The following PTPRD variants were observed in gnomAD, a reference collection of about 807,000 sequenced individuals.
PTPRD encodes the protein receptor-type tyrosine-protein phosphatase delta.
In PTPRD, 34 loss-of-function variants were observed where a neutral mutation model predicts 214.5. That is an observed-to-expected ratio of 0.16 (90% confidence interval 0.12 to 0.21). PTPRD has a LOEUF of 0.21. Among genes scored for constraint, PTPRD ranks in the 10% least tolerant of loss-of-function variants. PTPRD has a pLI of 1.00. For synonymous variants in PTPRD, 1,128 were observed against 845.7 expected, an observed-to-expected ratio of 1.33 and a Z score of -5.79; for missense variants, 2,545 against 2,398.7, an observed-to-expected ratio of 1.06 and a Z score of -1.27.
At chr9:9,750,380 G>A (rs949155382) in intron 6 of PTPRD, among the ~76,000 whole-genome samples, 4 of 152,074 alleles carry the variant, frequency 2.6e-5, no homozygotes, top group Non-Finnish European at 5.9e-5. Context: ...CACCATTACA[G>A]AGAAATTATA....
At chr9:9,815,724 G>A (rs2048539007) in intron 5 of PTPRD, among the ~76,000 whole-genome samples, 1 of 152,062 alleles carries the variant, frequency 6.6e-6, no homozygotes, top group Non-Finnish European at 1.5e-5. Context: ...AGAGTAGAAT[G>A]GTTGATTTTA....
At chr9:10,481,935 G>C (rs1589150381) in intron 2 of PTPRD, among the ~76,000 whole-genome samples, 1 of 151,906 alleles carries the variant, frequency 6.6e-6, no homozygotes. Flanking sequence ...TTTTTAAAAG[G>C]AGACAAAATT....
At chr9:8,471,561 T>C (rs577770731) in intron 30 of PTPRD, among the ~76,000 whole-genome samples, 1 of 152,292 alleles carries the variant, frequency 6.6e-6, no homozygotes, top group South Asian at 2.1e-4. Flanking sequence ...GCTTTTTATT[T>C]GAATTAAAAA....
At chr9:9,867,265 A>G (rs1565881544) in intron 5 of PTPRD, among the ~76,000 whole-genome samples, 1 of 152,144 alleles carries the variant, frequency 6.6e-6, no homozygotes, top group African/African-American at 2.4e-5. Context: ...GATACGATTC[A>G]TTCTGCTTTT....
chr9:8,964,442 C>A (rs1346479626), intron 11 of PTPRD, among the ~76,000 whole-genome samples: 1 of 147,498 alleles, frequency 6.8e-6, no homozygotes, highest in Non-Finnish European at 1.5e-5. Context: ...TTTAGATCTT[C>A]TCTTTTTGTC....
At chr9:10,276,745 A>G (rs1036799416) in intron 3 of PTPRD, among the ~76,000 whole-genome samples, 2 of 152,238 alleles carry the variant, frequency 1.3e-5, no homozygotes, top group African/African-American at 4.8e-5. Flanking sequence ...TCAGAACAGA[A>G]GGCCAGGTAG....
intron 2 of PTPRD, among the ~76,000 whole-genome samples, chr9:10,457,230 C>G (rs528057112): frequency 2.6e-5 from 4 of 151,980 alleles, no homozygotes; most frequent in Non-Finnish European, 5.9e-5. Flanking sequence ...TTCAATTAAA[C>G]AATTTATTTT....
intron 44 of PTPRD, among the ~76,000 whole-genome samples, chr9:8,330,804 T>G (rs1443896140): frequency 6.6e-6 from 1 of 151,442 alleles, no homozygotes; most frequent in Non-Finnish European, 1.5e-5. Context: ...TAGTTTTCTT[T>G]GATGTGCTGA....
intron 9 of PTPRD, among the ~76,000 whole-genome samples, chr9:9,201,488 T>C (rs992617209): frequency 6.6e-6 from 1 of 152,126 alleles, no homozygotes; most frequent in African/African-American, 2.4e-5. Context: ...AACTAGTATG[T>C]CTTTAATAAG....
Position 9,647,587 on chromosome 9 carries a change from C to T in PTPRD, c.-286-72806G>A, listed in dbSNP as rs191900517. ...CCTACAGTATACTATGAATGTGGGC[C>T]AAAAATCAAATTTTGTTTATGGTCA... is the stretch of plus-strand genomic sequence containing the variant. On this transcript the variant is annotated intron_variant, in intron 7 of 45. Transcript: ENST00000381196. Among the ~76,000 whole-genome samples the T allele has an allele frequency of 6.4e-3, 969 of 152,134 alleles. 8 individuals carry two copies. Among genetic ancestry groups the T allele is most frequent in the African/African-American group, 0.023 (936 of 41,514 alleles).
chr9:8,391,703 T>C (rs2089632480), intron 36 of PTPRD, among the ~76,000 whole-genome samples: 1 of 152,184 alleles, frequency 6.6e-6, no homozygotes, highest in Non-Finnish European at 1.5e-5. Context: ...AACTTTTTTC[T>C]AAGAAAACTC....
intron 14 of PTPRD, among the ~76,000 whole-genome samples, chr9:8,565,932 A>G (rs901305654): frequency 3.9e-5 from 6 of 152,192 alleles, no homozygotes; most frequent in Non-Finnish European, 7.3e-5. Context: ...ACAAGAAGAC[A>G]AATTTTATGA....
chr9:8,327,997 G>C (rs1374833704), intron 44 of PTPRD, among the ~76,000 whole-genome samples: 10 of 152,056 alleles, frequency 6.6e-5, no homozygotes, highest in Admixed American at 5.2e-4. Flanking sequence ...TCTTTTAATT[G>C]GGGGCATTTA....
At chr9:8,932,565 C>G (rs1278327619) in intron 11 of PTPRD, among the ~76,000 whole-genome samples, 1 of 152,140 alleles carries the variant, frequency 6.6e-6, no homozygotes, top group African/African-American at 2.4e-5. Flanking sequence ...CAGAGATGGC[C>G]TGCCCAGAGA....
intron 9 of PTPRD, among the ~76,000 whole-genome samples, chr9:9,269,982 A>G (rs776259449): frequency 2.7e-5 from 4 of 150,228 alleles, no homozygotes; most frequent in Non-Finnish European, 5.9e-5. Context: ...ATATTAATTA[A>G]TAAAATTAAT....
chr9:10,586,960 T>C (rs1188161348), intron 2 of PTPRD, among the ~76,000 whole-genome samples: 2 of 152,066 alleles, frequency 1.3e-5, no homozygotes, highest in Admixed American at 6.6e-5. Flanking sequence ...TATATTTATC[T>C]AAACAATTAA....
chr9:8,547,753 G>T (rs2080686158), intron 14 of PTPRD, among the ~76,000 whole-genome samples: 1 of 150,874 alleles, frequency 6.6e-6, no homozygotes. Flanking sequence ...ATATCACAAA[G>T]ATATATACCC....
rs183149587 is a variant in PTPRD at position 9,544,775 on chromosome 9, A to G, written c.-237+29957T>C. ...AAGCTTTATGTATTTTATTATAATA[A>G]TTTTATTTTATACTTTTGTTTTAGA... On this transcript the variant is annotated intron_variant, in intron 8 of 45. Coordinates refer to ENST00000381196, the MANE Select transcript of PTPRD (RefSeq NM_002839.4). Among the ~76,000 whole-genome samples, 5 of 151,732 alleles carry G rather than the reference A, an allele frequency of 3.3e-5. No homozygotes were observed. In the East Asian group the frequency reaches 9.7e-4, roughly 29 times the overall value.
chr9:8,495,620 C>T (rs892410307), intron 26 of PTPRD, among the ~76,000 whole-genome samples: 2 of 152,120 alleles, frequency 1.3e-5, no homozygotes, highest in Non-Finnish European at 2.9e-5. Context: ...AACTTGAATA[C>T]TTAATGTTAG....
Sources: gnomAD v4.1 joint callset for allele counts (sites outside exome capture counted in the v4.1 genomes callset) on GRCh38, gnomAD v4.1.1 for gene constraint, MANE v1.5 for transcripts, NCBI Gene and HGNC (gene_info 2026-07-23, HGNC 2026-07-21) for gene names.